OPCML: variants seen among roughly 807,000 people sequenced by gnomAD.
OPCML encodes the protein opioid-binding protein/cell adhesion molecule.
OPCML carries 13 observed loss-of-function variants against 37.8 expected under a neutral mutation model. That is an observed-to-expected ratio of 0.34 (90% confidence interval 0.22 to 0.55). The LOEUF (loss-of-function observed/expected upper bound fraction) is 0.55, where lower values mean the gene tolerates loss of function less well. Among genes scored for constraint, OPCML ranks in the 20% least tolerant of loss-of-function variants. The probability of loss-of-function intolerance (pLI) is 0.91; values close to 1 mark genes in which losing one functional copy is unlikely to be tolerated. For missense variants in OPCML, 341 were observed against 435.6 expected (o/e 0.78, Z 1.93); for synonymous variants, 176 against 168.8 (o/e 1.04, Z -0.33).
At chr11:132,675,708 T>C (rs961900728) in intron 2 of OPCML, among the ~76,000 whole-genome samples, 3 of 152,114 alleles carry the variant, frequency 2.0e-5, no homozygotes, top group Non-Finnish European at 2.9e-5. Context: ...TCAAAATGAA[T>C]AAAATATTTT....
At chr11:133,034,906 G>A (rs908434725) in intron 1 of OPCML, among the ~76,000 whole-genome samples, 8 of 151,474 alleles carry the variant, frequency 5.3e-5, no homozygotes, top group African/African-American at 9.7e-5. Context: ...GTTCGCACGG[G>A]CACCGGCAGA....
At chr11:133,475,249 G>A (rs1195640157) in intron 1 of OPCML, among the ~76,000 whole-genome samples, 2 of 142,298 alleles carry the variant, frequency 1.4e-5, no homozygotes, top group East Asian at 2.1e-4. Flanking sequence ...TTGTTGTTTT[G>A]CCACCTAGCA....
chr11:133,070,263 C>T (rs904051108), intron 1 of OPCML, among the ~76,000 whole-genome samples: 2 of 152,178 alleles, frequency 1.3e-5, no homozygotes, highest in Non-Finnish European at 2.9e-5. Context: ...ATAATTAGCT[C>T]TGCAGCAAGC....
intron 2 of OPCML, among the ~76,000 whole-genome samples, chr11:132,743,780 T>C (rs1482375561): frequency 6.6e-6 from 1 of 152,206 alleles, no homozygotes; most frequent in Non-Finnish European, 1.5e-5. Context: ...TCTCCCTCCA[T>C]GTTCATGTGA....
chr11:133,388,871 T>G (rs908980600), intron 1 of OPCML, among the ~76,000 whole-genome samples: 1 of 152,238 alleles, frequency 6.6e-6, no homozygotes, highest in Non-Finnish European at 1.5e-5. Context: ...TTCTTGAAGA[T>G]GTGTGCAAGC....
chr11:132,682,036 G>A (rs1942967400), intron 2 of OPCML, among the ~76,000 whole-genome samples: 1 of 152,104 alleles, frequency 6.6e-6, no homozygotes, highest in Admixed American at 6.5e-5. Context: ...AAAGCTAAAG[G>A]AGCGCTGTAA....
At chr11:132,798,607 C>G (rs1938469380) in intron 2 of OPCML, among the ~76,000 whole-genome samples, 1 of 152,214 alleles carries the variant, frequency 6.6e-6, no homozygotes, top group South Asian at 2.1e-4. Flanking sequence ...GTTACTTTCT[C>G]CATTGAAGTC....
chr11:132,916,818 G>A (rs1245976809), intron 2 of OPCML, among the ~76,000 whole-genome samples: 2 of 152,172 alleles, frequency 1.3e-5, no homozygotes, highest in Admixed American at 1.3e-4. Context: ...TTCACAGAGG[G>A]GCTGAGGATC....
intron 2 of OPCML, among the ~76,000 whole-genome samples, chr11:132,664,292 A>C (rs541117082): frequency 2.0e-5 from 3 of 152,302 alleles, no homozygotes; most frequent in South Asian, 4.1e-4. Flanking sequence ...CTGGAAATCC[A>C]TGAAAATCTT....
At chr11:133,328,489 T>C (rs1396593957) in intron 1 of OPCML, among the ~76,000 whole-genome samples, 5 of 152,126 alleles carry the variant, frequency 3.3e-5, no homozygotes, top group Admixed American at 6.5e-5. Context: ...CAGAGTAAAA[T>C]GCATAGCACA....
At chr11:132,485,062 G>C (rs926154637) in intron 4 of OPCML, among the ~76,000 whole-genome samples, 1 of 151,162 alleles carries the variant, frequency 6.6e-6, no homozygotes, top group African/African-American at 2.4e-5. Context: ...AAAACTTAAA[G>C]TATAATAATA....
At chr11:132,912,162 A>G (rs972703594) in intron 2 of OPCML, among the ~76,000 whole-genome samples, 1 of 152,096 alleles carries the variant, frequency 6.6e-6, no homozygotes, top group African/African-American at 2.4e-5. Context: ...TCCAATAAAA[A>G]AAAAAGACAA....
intron 3 of OPCML, among the ~76,000 whole-genome samples, chr11:132,548,638 A>T (rs76229145): frequency 0.018 from 2,790 of 152,310 alleles, 65 homozygotes; most frequent in African/African-American, 0.058. Context: ...AATGTTAAAA[A>T]GTGAAGAGAC....
rs924715172 is a variant in OPCML at position 133,441,512 on chromosome 11, A to G, written c.61+90752T>C. On this transcript the variant is annotated intron_variant, in intron 1 of 7. Transcript: ENST00000524381. ...GAAAACTAAACTACATAGATCTTCT[A>G]TCTCACACTACATGCAAACCATACA... is the stretch of plus-strand genomic sequence containing the variant. Among the ~76,000 whole-genome samples the G allele has an allele frequency of 5.7e-4, 86 of 152,168 alleles. 2 individuals carry two copies. Among genetic ancestry groups the G allele is most frequent in the Non-Finnish European group, 1.2e-4 (8 of 68,002 alleles).
chr11:133,026,390 G>A lies in OPCML; in HGVS notation c.62-83380C>T, dbSNP rs147446910. 3.5e-4 allele frequency: 340 copies of A among 985,392 alleles called. 1 individual carries two copies. In the African/African-American group the frequency reaches 5.5e-3, roughly 16 times the overall value. The allele number at this position is 985,392 out of a possible 1,614,324, so 61.0% of individuals were successfully genotyped here. ...GGGTGGTGGTCTGATTGACGAGTGA[G>A]CACCTTGCCTGCCTCTTCTTTAGGG... On this transcript the variant is annotated intron_variant, in intron 1 of 7. Transcript: ENST00000524381.
chr11:132,720,963 G>T (rs1253167759), intron 2 of OPCML, among the ~76,000 whole-genome samples: 1 of 151,756 alleles, frequency 6.6e-6, no homozygotes, highest in East Asian at 1.9e-4. Context: ...TAATTAAAAT[G>T]ATGCTCCTAG....
At chr11:132,814,542 A>T (rs1939522479) in intron 2 of OPCML, among the ~76,000 whole-genome samples, 1 of 152,180 alleles carries the variant, frequency 6.6e-6, no homozygotes, top group Non-Finnish European at 1.5e-5. Context: ...CTTTTGTTCT[A>T]TCCAGGCCCT....
At chr11:133,303,487 C>A (rs1000504335) in intron 1 of OPCML, among the ~76,000 whole-genome samples, 5 of 152,126 alleles carry the variant, frequency 3.3e-5, no homozygotes, top group African/African-American at 1.2e-4. Context: ...TTGCGGTTGG[C>A]CTGTTGGTTC....
intron 1 of OPCML, among the ~76,000 whole-genome samples, chr11:133,123,603 C>G (rs764911070): frequency 1.1e-4 from 16 of 152,194 alleles, no homozygotes; most frequent in Non-Finnish European, 1.8e-4. Context: ...TCTGGTCAGC[C>G]CGGCATGCTT....
Sources: allele counts gnomAD v4.1 joint callset (sites outside exome capture counted in the v4.1 genomes callset), GRCh38; gene constraint gnomAD v4.1.1; transcripts MANE v1.5; gene names NCBI Gene and HGNC (gene_info 2026-07-23, HGNC 2026-07-21).